Variants in SLX4 observed in about 807,000 individuals in gnomAD.
SLX4 encodes structure-specific endonuclease subunit SLX4.
SLX4 carries 112 observed loss-of-function variants against 146.2 expected under a neutral mutation model. The ratio of observed to expected loss-of-function variants is 0.77; its 90% CI spans 0.66 to 0.90. SLX4 has a LOEUF of 0.90. Ranked by LOEUF, SLX4 falls within the 40% of genes least tolerant of loss-of-function variation. The pLI is 0.00. For missense variants in SLX4, 2,563 were observed against 2,392.7 expected (o/e 1.07, Z -1.49); for synonymous variants, 1,061 against 997.7 (o/e 1.06, Z -1.20).
In SLX4 at chr16:3,608,568, G is replaced by C. The variant is rs2151139287; in HGVS notation, c.397C>G (p.Pro133Ala). 1 of 1,614,154 alleles carries C rather than the reference G, an allele frequency of 6.2e-7. No individual in the cohort carries two copies. The highest frequency in any genetic ancestry group is 8.5e-7 in the Non-Finnish European group (1 of 1,180,038). Residue 133 changes from proline (P) to alanine (A), a missense_variant, in exon 2 of 15, where the codon CCG (proline) becomes GCG (alanine). Pro to Ala is a conservative substitution (Grantham distance 27). Transcript: ENST00000294008. ...QRVTKWQASE[P>A]AHSVNGEGGV... ...CCCTCCCCATTCACAGAGTGGGCCG[G>C]TTCACTTGCTTGCCATTTGGTTACC...
At chr16:3,607,491 C>A (rs1450106972) in intron 2 of SLX4, among the ~76,000 whole-genome samples, 1 of 152,106 alleles carries the variant, frequency 6.6e-6, no homozygotes, top group African/African-American at 2.4e-5. Context: ...GCTCAGTATA[C>A]CAAGGGCAGC....
At chr16:3,601,304 C>T (rs1263570143) in intron 4 of SLX4, 113 bp from the exon 5 acceptor site, 1 of 1,054,164 alleles carries the variant, frequency 9.5e-7, no homozygotes, top group African/African-American at 1.6e-5. Context: ...TTCCCCAAAG[C>T]CAATCCCCTC....
chr16:3,594,219 G>C (rs552996820), intron 10 of SLX4, among the ~76,000 whole-genome samples: 1 of 152,246 alleles, frequency 6.6e-6, no homozygotes, highest in Admixed American at 6.5e-5. Context: ...TCCCAGTTGT[G>C]AGGCCATCCC....
At chr16:3,592,041 C>T (rs1596523442) in intron 11 of SLX4, among the ~76,000 whole-genome samples, 1 of 152,256 alleles carries the variant, frequency 6.6e-6, no homozygotes, top group East Asian at 1.9e-4. Context: ...CAATCCACAG[C>T]ACACCAAGTC....
chr16:3,587,680 T>C (rs1307115764), intron 12 of SLX4, among the ~76,000 whole-genome samples: 1 of 152,118 alleles, frequency 6.6e-6, no homozygotes. Flanking sequence ...TGGTTAGAAA[T>C]GCAAATTCTT....
At chr16:3,608,342 G>A (rs1320684097) in intron 2 of SLX4, 88 bp downstream of exon 2, 7 of 1,354,408 alleles carry the variant, frequency 5.2e-6, no homozygotes, top group Non-Finnish European at 7.4e-6. Flanking sequence ...TTGTGACAGA[G>A]TCTGTGTGGC....
At chr16:3,600,747 T>G in intron 5 of SLX4, 1 of 473,430 alleles carries the variant, frequency 2.1e-6, no homozygotes, top group Non-Finnish European at 3.9e-6. Context: ...ACTACAGGCA[T>G]GTGCCACCAT....
intron 8 of SLX4, 92 bp downstream of exon 8, chr16:3,596,061 C>T (rs1487868303): frequency 2.7e-6 from 4 of 1,478,662 alleles, no homozygotes; most frequent in Middle Eastern, 1.9e-4. Flanking sequence ...GCCGTCGCGG[C>T]GGCACAAGAG....
chr16:3,598,335 C>T (rs2040689475), intron 5 of SLX4, among the ~76,000 whole-genome samples: 1 of 152,202 alleles, frequency 6.6e-6, no homozygotes, highest in Non-Finnish European at 1.5e-5. Flanking sequence ...TGAGCAGGCT[C>T]CCTGGACTCC....
chr16:3,595,509 G>T, intron 9 of SLX4, 96 bp downstream of exon 9: 6 of 1,388,934 alleles, frequency 4.3e-6, no homozygotes, highest in Non-Finnish European at 6.1e-6. Context: ...CTGCACTTGC[G>T]TTGGGGGCCA....
intron 13 of SLX4, 130 bp from the exon 14 acceptor site, chr16:3,583,640 G>C: frequency 1.0e-6 from 1 of 966,926 alleles, no homozygotes; most frequent in Non-Finnish European, 1.6e-6. Flanking sequence ...ATAGATGCCT[G>C]ACTTCTGTGA....
chr16:3,611,542 C>CA lies in SLX4; in HGVS notation c.-603+17dup, dbSNP rs2040875159. The CA allele has an allele frequency of 2.0e-5, 3 of 152,630 alleles. No individual in the cohort carries two copies. The highest frequency in any genetic ancestry group is 4.4e-5 in the Non-Finnish European group (3 of 68,380). 9.5% of individuals were successfully genotyped at this position (152,630 alleles called of 1,614,324 possible). A position where few individuals can be genotyped will look rare whatever the true frequency, so the allele number is the denominator to read the frequency against. ...TCCCGGGTGCCGACTCCCAGCCCCACAGCCCGGCTCCTCCTACCTCCGGCG... is the reference window on the plus strand; with the variant it reads ...TCCCGGGTGCCGACTCCCAGCCCCACAAGCCCGGCTCCTCCTACCTCCGGCG... On this transcript the variant is annotated intron_variant, in intron 1 of 14. Coordinates refer to ENST00000294008, the MANE Select transcript of SLX4 (RefSeq NM_032444.4).
At position 3,596,179 on chromosome 16, in the gene SLX4, C is replaced by A. The variant is rs1056085; in HGVS notation, c.1898G>T (p.Gly633Val). 75 of 1,551,594 alleles carry A rather than the reference C, an allele frequency of 4.8e-5. 1 individual carries two copies. Among genetic ancestry groups the A allele is most frequent in the Admixed American group, 3.6e-4 (19 of 52,100 alleles). The change falls in exon 8 of 15, where the codon GGC becomes GTC. Residue 633 changes from glycine (G) to valine (V), a missense_variant. Physicochemically the swap from Gly to Val is moderately radical, Grantham distance 109. Transcript: ENST00000294008. ...TGCAGTCCCTTCCGAGCCAGCCAGG[C>A]CCCCACTGCCGGGCCACGGGCTGGC... ...LSASPWPGSG[G>V]LAGSEGTAGL...
At chr16:3,586,908 G>A (rs2040514429) in intron 12 of SLX4, among the ~76,000 whole-genome samples, 1 of 152,048 alleles carries the variant, frequency 6.6e-6, no homozygotes, top group South Asian at 2.1e-4. Context: ...ACTGAAAGAA[G>A]CCAGACACAG....
intron 2 of SLX4, 149 bp from the exon 3 acceptor site, chr16:3,606,847 G>A: frequency 1.3e-6 from 1 of 794,402 alleles, no homozygotes; most frequent in South Asian, 1.5e-5. Context: ...CTGGTTGCTT[G>A]TTGGTAACCT....
At chr16:3,607,691 C>G (rs2040802414) in intron 2 of SLX4, among the ~76,000 whole-genome samples, 1 of 151,998 alleles carries the variant, frequency 6.6e-6, no homozygotes, top group African/African-American at 2.4e-5. Context: ...TCTCTAAAAA[C>G]TAAGTAAGTA....
At position 3,600,983 on chromosome 16, in the gene SLX4, A is replaced by C. The variant is rs373810042; in HGVS notation, c.1159T>G (p.Phe387Val). The change falls in exon 5 of 15, where the codon TTC (phenylalanine) becomes GTC (valine). Residue 387 changes from phenylalanine (F) to valine (V), a missense_variant. Coordinates refer to ENST00000294008, the MANE Select transcript of SLX4 (RefSeq NM_032444.4). ...QPEGSSSPPM[F>V]SFSDHSRGLK... ...TCTTCCTTTTCGTCGACTTACCTGA[A>C]CATGGGTGGGCTGCTGCTACCCTCA... 8.1e-6 allele frequency: 13 copies of C among 1,613,480 alleles called. No homozygotes were observed. The highest frequency in any genetic ancestry group is 1.1e-5 in the Non-Finnish European group (13 of 1,180,022).
At position 3,597,712 on chromosome 16, in the gene SLX4, G is replaced by A. The variant is rs1370449389; in HGVS notation, c.1367-17C>T. Reference sequence around the variant, plus strand: ...TTTTATTCTCTAGAGAGAAACAAAAGCGACACCATCAACGGTGGAGTCGGT... The same window carrying A: ...TTTTATTCTCTAGAGAGAAACAAAAACGACACCATCAACGGTGGAGTCGGT... On this transcript the variant is annotated splice_polypyrimidine_tract_variant and intron_variant, in intron 6 of 14. Coordinates refer to ENST00000294008, the MANE Select transcript of SLX4 (RefSeq NM_032444.4). This position sits in a 1 kb window ranked among gnomAD's most constrained non-coding sequence, Gnocchi z 4.4. The A allele has an allele frequency of 3.7e-6, 6 of 1,614,044 alleles. No individual in the cohort carries two copies. The highest frequency in any genetic ancestry group is 5.1e-6 in the Non-Finnish European group (6 of 1,180,020).
chr16:3,602,285 G>C lies in SLX4; in HGVS notation c.783C>G (p.Ala261=). Residue 261 remains alanine, a synonymous_variant, in exon 4 of 15, where the codon GCC becomes GCG. Coordinates refer to ENST00000294008, the MANE Select transcript of SLX4 (RefSeq NM_032444.4). ...AGNVYGLGPP[A]PESDAAVALT... ...AGGCCACCGCAGCGTCGCTCTCTGG[G>C]GCAGGGGGCCCAAGCCCATACACTG... The C allele has an allele frequency of 1.2e-6, 2 of 1,614,062 alleles. No homozygotes were observed. The highest frequency in any genetic ancestry group is 2.7e-5 in the African/African-American group (2 of 75,054).
Sources: gnomAD v4.1 joint callset for allele counts (sites outside exome capture counted in the v4.1 genomes callset) on GRCh38, gnomAD v4.1.1 for gene constraint, Gnocchi (gnomAD v3.1) non-coding constraint, MANE v1.5 for transcripts, NCBI Gene and HGNC (gene_info 2026-07-23, HGNC 2026-07-21) for gene names.